Variants in RSRC1 observed in about 807,000 individuals in gnomAD.
RSRC1 encodes arginine and serine rich coiled-coil 1.
Under a neutral mutation model 49.1 loss-of-function variants are expected in RSRC1, and 39 were observed. That is an observed-to-expected ratio of 0.79 (90% CI 0.61 to 1.04). The LOEUF (loss-of-function observed/expected upper bound fraction) is 1.04. Among genes scored for constraint, RSRC1 ranks in the 50% least tolerant of loss-of-function variants. RSRC1 has a pLI of 0.00. For synonymous variants in RSRC1, 143 were observed against 130.8 expected, an observed-to-expected ratio of 1.09 and a Z score of -0.63; for missense variants, 388 against 402.4, an observed-to-expected ratio of 0.96 and a Z score of 0.31.
At chr3:158,451,267 G>A (rs1737011238) in intron 6 of RSRC1, among the ~76,000 whole-genome samples, 1 of 151,848 alleles carries the variant, frequency 6.6e-6, no homozygotes, top group South Asian at 2.1e-4. Flanking sequence ...ATAACAAAAA[G>A]TACTGATGTT....
At chr3:158,407,223 A>G (rs1734199200) in intron 6 of RSRC1, among the ~76,000 whole-genome samples, 1 of 152,156 alleles carries the variant, frequency 6.6e-6, no homozygotes, top group East Asian at 1.9e-4. Flanking sequence ...ATTTAAACAT[A>G]TTTGCCAGAA....
intron 5 of RSRC1, among the ~76,000 whole-genome samples, chr3:158,327,858 T>G (rs1729263032): frequency 6.6e-6 from 1 of 152,194 alleles, no homozygotes; most frequent in Admixed American, 6.5e-5. Flanking sequence ...TATTATTGTG[T>G]GGGAGTCTAA....
At chr3:158,120,411 G>C (rs1045608500) in intron 1 of RSRC1, among the ~76,000 whole-genome samples, 8 of 151,652 alleles carry the variant, frequency 5.3e-5, no homozygotes, top group Non-Finnish European at 1.5e-5. Flanking sequence ...TTGGAATCAG[G>C]GAGGGGCTGG....
rs74815186 is a variant in RSRC1, at chr3:158,170,471, A to G, written c.321-32601A>G. ...TTGAAAAGATCGAATAAATCCACTC[A>G]GCCCATTTTCCCCACTAATTACAAC... On this transcript the variant is annotated intron_variant, in intron 3 of 9. Coordinates refer to ENST00000611884, the MANE Select transcript of RSRC1 (RefSeq NM_001271838.2). 1.6e-3 allele frequency among the ~76,000 whole-genome samples: 245 copies of G among 152,228 alleles called. 2 individuals are homozygous for G. In the East Asian group the frequency reaches 0.032, roughly 20 times the overall value.
intron 5 of RSRC1, among the ~76,000 whole-genome samples, chr3:158,320,549 G>C (rs908580126): frequency 5.3e-5 from 8 of 152,080 alleles, no homozygotes; most frequent in African/African-American, 1.9e-4. Context: ...GTGATACCGA[G>C]AGATTATAAA....
chr3:158,127,050 A>G (rs1410257148), intron 3 of RSRC1, among the ~76,000 whole-genome samples: 1 of 151,890 alleles, frequency 6.6e-6, no homozygotes, highest in Non-Finnish European at 1.5e-5. Flanking sequence ...TGCTTTCAAG[A>G]TTCTCTCTTT....
At chr3:158,114,315 G>A (rs774514690) in intron 1 of RSRC1, among the ~76,000 whole-genome samples, 24 of 152,002 alleles carry the variant, frequency 1.6e-4, no homozygotes, top group East Asian at 1.9e-4. Flanking sequence ...GTAGATGTGC[G>A]GTCTTATTTC....
chr3:158,355,201 A>G (rs553477825), intron 6 of RSRC1, among the ~76,000 whole-genome samples: 1 of 151,776 alleles, frequency 6.6e-6, no homozygotes, highest in African/African-American at 2.4e-5. Flanking sequence ...TTTATGTACT[A>G]TGGTTTTGGT....
chr3:158,511,254 C>T (rs1740155406), intron 7 of RSRC1, among the ~76,000 whole-genome samples: 1 of 152,018 alleles, frequency 6.6e-6, no homozygotes, highest in Admixed American at 6.6e-5. Flanking sequence ...TATCCCTTCC[C>T]CCTCCCCCTA....
intron 7 of RSRC1, among the ~76,000 whole-genome samples, chr3:158,499,403 T>C (rs994815996): frequency 8.6e-5 from 13 of 152,010 alleles, no homozygotes; most frequent in Non-Finnish European, 1.3e-4. Context: ...TTTTTTTTTT[T>C]CTAATTCTGT....
At chr3:158,534,295 A>G (rs977283657) in intron 7 of RSRC1, among the ~76,000 whole-genome samples, 3 of 151,700 alleles carry the variant, frequency 2.0e-5, no homozygotes, top group Non-Finnish European at 1.5e-5. Context: ...AATGTATGAA[A>G]CCAAATTTCC....
intron 7 of RSRC1, among the ~76,000 whole-genome samples, chr3:158,486,458 G>T (rs1738823163): frequency 6.6e-6 from 1 of 152,204 alleles, no homozygotes; most frequent in Non-Finnish European, 1.5e-5. Flanking sequence ...TATTGAGGGG[G>T]AGGGGGAGGA....
chr3:158,141,200 A>C (rs983935573), intron 3 of RSRC1, among the ~76,000 whole-genome samples: 12 of 152,230 alleles, frequency 7.9e-5, no homozygotes, highest in Admixed American at 7.2e-4. Context: ...AAAGAAGTCC[A>C]CAGCTTCTAT....
At chr3:158,516,897 C>G (rs970305890) in intron 7 of RSRC1, among the ~76,000 whole-genome samples, 1 of 152,196 alleles carries the variant, frequency 6.6e-6, no homozygotes, top group Admixed American at 6.5e-5. Context: ...GACTAGGAAA[C>G]GGAACTCCCT....
chr3:158,148,366 C>CGTGTGTGT (rs71144442), intron 3 of RSRC1, among the ~76,000 whole-genome samples: 29 of 149,764 alleles, frequency 1.9e-4, no homozygotes, highest in African/African-American at 6.9e-4. Context: ...TGTGTGTGTG[C>CGTGTGTGT]GTGTGTGTGT....
intron 7 of RSRC1, among the ~76,000 whole-genome samples, chr3:158,466,499 C>A (rs1320318502): frequency 6.6e-6 from 1 of 152,164 alleles, no homozygotes. Flanking sequence ...CATTAGGAAG[C>A]TGACATACAT....
chr3:158,289,232 A>G (rs147883161), intron 4 of RSRC1, among the ~76,000 whole-genome samples: 6 of 152,256 alleles, frequency 3.9e-5, no homozygotes, highest in African/African-American at 1.2e-4. Context: ...ATGACTTCAG[A>G]AATATTGAAC....
chr3:158,231,137 C>CTTTTTTTTTTTT (rs35368661), intron 4 of RSRC1, among the ~76,000 whole-genome samples: 1 of 67,950 alleles, frequency 1.5e-5, no homozygotes, highest in Non-Finnish European at 2.5e-5. Context: ...TAGTCGTTAG[C>CTTTTTTTTTTTT]TTTTTTTTTT....
chr3:158,459,843 A>G (rs1000321913), intron 6 of RSRC1, among the ~76,000 whole-genome samples: 6 of 152,006 alleles, frequency 3.9e-5, no homozygotes, highest in South Asian at 2.1e-4. Context: ...TATAAGTTTT[A>G]TACTTTAAGA....
Sources: allele counts gnomAD v4.1 joint callset (sites outside exome capture counted in the v4.1 genomes callset), GRCh38; gene constraint gnomAD v4.1.1; transcripts MANE v1.5; gene names NCBI Gene and HGNC (gene_info 2026-07-23, HGNC 2026-07-21).